AFG1L: variants seen among roughly 807,000 people sequenced by gnomAD.
AFG1L encodes AFG1-like ATPase.
In AFG1L, 53 loss-of-function variants were observed where a neutral mutation model predicts 62.2. The ratio of observed to expected loss-of-function variants is 0.85; its 90% CI spans 0.68 to 1.07. The LOEUF (loss-of-function observed/expected upper bound fraction) is 1.07, where lower values mean the gene tolerates loss of function less well. Among genes scored for constraint, AFG1L ranks in the 50% least tolerant of loss-of-function variants. AFG1L has a pLI of 0.00. For missense variants in AFG1L, 555 were observed against 590.5 expected (o/e 0.94, Z 0.62); for synonymous variants, 228 against 210.3 (o/e 1.08, Z -0.73).
intron 6 of AFG1L, among the ~76,000 whole-genome samples, chr6:108,367,771 G>C (rs1582450693): frequency 6.6e-6 from 1 of 152,126 alleles, no homozygotes; most frequent in East Asian, 1.9e-4. Flanking sequence ...CAGCTGGTGA[G>C]GTAGGAGGAG....
intron 7 of AFG1L, among the ~76,000 whole-genome samples, chr6:108,437,547 T>C (rs1016445174): frequency 6.6e-6 from 1 of 152,128 alleles, no homozygotes; most frequent in African/African-American, 2.4e-5. Flanking sequence ...CAGTGGACTA[T>C]GAGATGAGCA....
At chr6:108,433,216 A>C (rs1356930721) in intron 7 of AFG1L, among the ~76,000 whole-genome samples, 1 of 152,172 alleles carries the variant, frequency 6.6e-6, no homozygotes, top group Non-Finnish European at 1.5e-5. Flanking sequence ...TTTATTATTT[A>C]ATTGGTCTTC....
At chr6:108,501,706 C>A (rs139016232) in intron 10 of AFG1L, among the ~76,000 whole-genome samples, 5 of 152,198 alleles carry the variant, frequency 3.3e-5, no homozygotes, top group African/African-American at 1.2e-4. Flanking sequence ...ATATTACTGT[C>A]TCTCTCACTC....
chr6:108,431,258 C>G (rs1170402134), intron 7 of AFG1L, among the ~76,000 whole-genome samples: 4 of 152,032 alleles, frequency 2.6e-5, no homozygotes. Context: ...CACCTGCCAC[C>G]ACGCCCGGCT....
At chr6:108,454,969 A>T (rs1772196905) in intron 8 of AFG1L, among the ~76,000 whole-genome samples, 1 of 152,174 alleles carries the variant, frequency 6.6e-6, no homozygotes, top group African/African-American at 2.4e-5. Context: ...AACAAGAGAT[A>T]GAATTTCTGT....
In AFG1L at chr6:108,513,191, G is replaced by A. The variant is rs1466560743; in HGVS notation, c.1203+2839G>A. Among the ~76,000 whole-genome samples the A allele has an allele frequency of 2.0e-5, 3 of 152,196 alleles. 1 individual carries two copies. Among genetic ancestry groups the A allele is most frequent in the South Asian group, 4.1e-4 (2 of 4,834 alleles). ...GTCTACAGCTCCCAGCATGAGCGAC[G>A]CAGAAGATGAATGATTTCTGCATTT... On this transcript the variant is annotated intron_variant, in intron 11 of 12. Coordinates refer to ENST00000368977, the MANE Select transcript of AFG1L (RefSeq NM_145315.5).
At chr6:108,401,221 C>T (rs1781593059) in intron 6 of AFG1L, among the ~76,000 whole-genome samples, 1 of 150,498 alleles carries the variant, frequency 6.6e-6, no homozygotes, top group Non-Finnish European at 1.5e-5. Flanking sequence ...CGGCTCACTG[C>T]AAGCTCCGCT....
intron 7 of AFG1L, among the ~76,000 whole-genome samples, chr6:108,405,238 T>C (rs1781797923): frequency 6.6e-6 from 1 of 152,210 alleles, no homozygotes; most frequent in African/African-American, 2.4e-5. Context: ...ATTTTTGGTA[T>C]AAGTGATTTA....
intron 6 of AFG1L, among the ~76,000 whole-genome samples, chr6:108,380,001 A>G (rs1462887603): frequency 6.6e-6 from 1 of 151,096 alleles, no homozygotes; most frequent in Non-Finnish European, 1.5e-5. Context: ...ATGCCTGGAG[A>G]TTTGCCTGGG....
At chr6:108,301,154 C>T (rs776353698) in intron 1 of AFG1L, among the ~76,000 whole-genome samples, 9 of 152,078 alleles carry the variant, frequency 5.9e-5, no homozygotes, top group Non-Finnish European at 7.4e-5. Flanking sequence ...TAAGGCCAAC[C>T]AGGGGTCACT....
chr6:108,360,811 A>G (rs1426249650), intron 5 of AFG1L, among the ~76,000 whole-genome samples: 1 of 152,206 alleles, frequency 6.6e-6, no homozygotes, highest in African/African-American at 2.4e-5. Context: ...CCAAATCTCT[A>G]CTTATCCCCC....
chr6:108,429,144 C>T (rs1373081327), intron 7 of AFG1L, among the ~76,000 whole-genome samples: 2 of 152,058 alleles, frequency 1.3e-5, no homozygotes, highest in African/African-American at 4.8e-5. Flanking sequence ...TCCAGTTTTC[C>T]CAGCACCATT....
At chr6:108,408,140 T>A (rs79063388) in intron 7 of AFG1L, among the ~76,000 whole-genome samples, 3 of 151,606 alleles carry the variant, frequency 2.0e-5, no homozygotes, top group Admixed American at 1.3e-4. Context: ...TTTTTTTTTT[T>A]CCCTGTGCAG....
At chr6:108,320,639 T>C (rs1777781713) in intron 1 of AFG1L, among the ~76,000 whole-genome samples, 1 of 152,204 alleles carries the variant, frequency 6.6e-6, no homozygotes, top group Non-Finnish European at 1.5e-5. Context: ...ATCTTCTTGC[T>C]TATCAAGTGG....
intron 2 of AFG1L, among the ~76,000 whole-genome samples, chr6:108,346,669 C>T (rs1205370235): frequency 3.9e-5 from 6 of 152,134 alleles, no homozygotes; most frequent in Admixed American, 3.9e-4. Flanking sequence ...CACCTGACTT[C>T]TACTTTCTGT....
At chr6:108,437,143 C>T (rs1771347700) in intron 7 of AFG1L, among the ~76,000 whole-genome samples, 1 of 152,168 alleles carries the variant, frequency 6.6e-6, no homozygotes, top group Non-Finnish European at 1.5e-5. Context: ...GGCCCTACCT[C>T]CTAATATCAC....
chr6:108,433,512 C>T (rs372363405), intron 7 of AFG1L, among the ~76,000 whole-genome samples: 6 of 151,934 alleles, frequency 3.9e-5, no homozygotes, highest in African/African-American at 1.5e-4. Flanking sequence ...GTCTCGAACT[C>T]CTGACCTTAG....
chr6:108,323,510 C>T (rs1777901044), intron 1 of AFG1L, among the ~76,000 whole-genome samples: 2 of 152,052 alleles, frequency 1.3e-5, no homozygotes, highest in African/African-American at 2.4e-5. Context: ...TACAAGCATG[C>T]ACCACCATGC....
intron 7 of AFG1L, among the ~76,000 whole-genome samples, chr6:108,426,007 T>A (rs1770799835): frequency 6.6e-6 from 1 of 152,128 alleles, no homozygotes; most frequent in South Asian, 2.1e-4. Flanking sequence ...GTTGAGCAAA[T>A]ACAATGAAGA....
Sources: allele counts gnomAD v4.1 joint callset (sites outside exome capture counted in the v4.1 genomes callset), GRCh38; gene constraint gnomAD v4.1.1; transcripts MANE v1.5; gene names NCBI Gene and HGNC (gene_info 2026-07-23, HGNC 2026-07-21).